Variants in MACROD2 observed in about 807,000 individuals in gnomAD.
The protein encoded by MACROD2 is ADP-ribose glycohydrolase MACROD2.
MACROD2 carries 36 observed loss-of-function variants against 70.4 expected under a neutral mutation model. That is an observed-to-expected ratio of 0.51 (90% CI 0.39 to 0.68). The LOEUF (loss-of-function observed/expected upper bound fraction) is 0.68. MACROD2 is among the 30% of genes least tolerant of loss of function. The pLI, the probability that MACROD2 is intolerant of heterozygous loss-of-function variation, is 0.00. For missense variants in MACROD2, 496 were observed against 538.4 expected (o/e 0.92, Z 0.78); for synonymous variants, 172 against 178.8 (o/e 0.96, Z 0.30).
intron 7 of MACROD2, among the ~76,000 whole-genome samples, chr20:15,480,511 C>A (rs1166146529): frequency 6.6e-6 from 1 of 152,058 alleles, no homozygotes; most frequent in African/African-American, 2.4e-5. Flanking sequence ...TAGCACAATT[C>A]CCTTGTTCAC....
chr20:15,431,281 C>T, intron 6 of MACROD2, 124 bp from the exon 7 acceptor site: 2 of 807,176 alleles, frequency 2.5e-6, no homozygotes, highest in Non-Finnish European at 4.1e-6. Flanking sequence ...CCTACTCCAA[C>T]TCATAGCTCT....
intron 8 of MACROD2, among the ~76,000 whole-genome samples, chr20:15,837,445 T>A (rs559309436): frequency 2.6e-5 from 4 of 152,162 alleles, no homozygotes; most frequent in Non-Finnish European, 5.9e-5. Flanking sequence ...ACCTCCAACA[T>A]GAGCCTCTCT....
At chr20:14,812,107 A>T (rs537724495) in intron 5 of MACROD2, among the ~76,000 whole-genome samples, 5 of 152,182 alleles carry the variant, frequency 3.3e-5, no homozygotes, top group Admixed American at 1.3e-4. Flanking sequence ...AAATCATTCT[A>T]CTATAAAGAC....
chr20:14,018,511 A>G (rs1196353404), intron 2 of MACROD2, among the ~76,000 whole-genome samples: 3 of 152,106 alleles, frequency 2.0e-5, no homozygotes, highest in Non-Finnish European at 4.4e-5. Flanking sequence ...TTTCAGGAGT[A>G]TGTTGCCTAA....
At chr20:14,026,249 A>T (rs148916519) in intron 2 of MACROD2, among the ~76,000 whole-genome samples, 2,914 of 152,236 alleles carry the variant, frequency 0.019, 37 homozygotes, top group Non-Finnish European at 0.032. Context: ...TGCATGTGAG[A>T]TGGGTCTCCT....
chr20:15,468,593 T>TA (rs1420489626), intron 7 of MACROD2, among the ~76,000 whole-genome samples: 5 of 152,230 alleles, frequency 3.3e-5, no homozygotes, highest in African/African-American at 1.2e-4. Context: ...TTAAAAGGTT[T>TA]GTCTGGACAT....
chr20:15,099,439 T>A (rs1426014964), intron 5 of MACROD2, among the ~76,000 whole-genome samples: 2 of 152,152 alleles, frequency 1.3e-5, no homozygotes, highest in African/African-American at 4.8e-5. Flanking sequence ...GAGTTCACAG[T>A]GAGAAGCTGA....
rs1425981616 is a variant in MACROD2, at chr20:15,067,471, A to G, written c.419-162469A>G. Among the ~76,000 whole-genome samples, 5 of 151,906 alleles carry G rather than the reference A, an allele frequency of 3.3e-5. No homozygotes were observed. The East Asian group carries it at 9.7e-4, about 29-fold the overall frequency. Reference sequence around the variant, plus strand: ...TTCGAGTGATTCTCCTGCCTCAGCCACCAGAGTAGCTGGGATTACAGGTGT... The same window carrying G: ...TTCGAGTGATTCTCCTGCCTCAGCCGCCAGAGTAGCTGGGATTACAGGTGT... On this transcript the variant is annotated intron_variant, in intron 5 of 17. Coordinates refer to ENST00000684519, the MANE Select transcript of MACROD2 (RefSeq NM_001351661.2).
chr20:14,219,877 C>G lies in MACROD2; in HGVS notation c.271+134149C>G, dbSNP rs188063956. 2.6e-3 allele frequency among the ~76,000 whole-genome samples: 402 copies of G among 152,286 alleles called. 1 individual carries two copies. The highest frequency in any genetic ancestry group is 9.4e-3 in the African/African-American group (392 of 41,572). On this transcript the variant is annotated intron_variant, in intron 3 of 17. Coordinates refer to ENST00000684519, the MANE Select transcript of MACROD2 (RefSeq NM_001351661.2). ...TCTGCACAGAGTCCTGTGATACCAACCATCTGTGGGTCTCTCAGCCATGGT... is the reference window on the plus strand; with the variant it reads ...TCTGCACAGAGTCCTGTGATACCAAGCATCTGTGGGTCTCTCAGCCATGGT...
chr20:15,140,546 A>C (rs2076184135), intron 5 of MACROD2, among the ~76,000 whole-genome samples: 1 of 152,124 alleles, frequency 6.6e-6, no homozygotes, highest in Non-Finnish European at 1.5e-5. Flanking sequence ...CATTGATTTT[A>C]TGAGATCATT....
intron 3 of MACROD2, among the ~76,000 whole-genome samples, chr20:14,419,717 G>T (rs2083854298): frequency 6.6e-6 from 1 of 151,976 alleles, no homozygotes; most frequent in African/African-American, 2.4e-5. Flanking sequence ...TTATAATCAG[G>T]ATCTAAAGAT....
intron 5 of MACROD2, among the ~76,000 whole-genome samples, chr20:15,163,680 CAAATT>C (rs1228681406): frequency 2.0e-5 from 3 of 151,746 alleles, no homozygotes; most frequent in South Asian, 4.2e-4. Flanking sequence ...GTATGACCCT[CAAATT>C]AAAACCTTTT....
intron 5 of MACROD2, among the ~76,000 whole-genome samples, chr20:14,727,729 A>G (rs1407291440): frequency 6.6e-6 from 1 of 152,196 alleles, no homozygotes; most frequent in African/African-American, 2.4e-5. Flanking sequence ...GATGCCAGGT[A>G]GATCTGCAAG....
At chr20:14,035,828 C>T (rs2148635685) in intron 2 of MACROD2, among the ~76,000 whole-genome samples, 1 of 152,264 alleles carries the variant, frequency 6.6e-6, no homozygotes, top group South Asian at 2.1e-4. Context: ...CATCACCAGC[C>T]CATGTTTGAA....
intron 8 of MACROD2, among the ~76,000 whole-genome samples, chr20:15,630,164 T>G (rs1299138964): frequency 6.6e-6 from 1 of 152,180 alleles, no homozygotes; most frequent in Admixed American, 6.5e-5. Flanking sequence ...ACTGAGTTAG[T>G]GTATATGAAG....
chr20:14,851,482 G>A (rs2073198917), intron 5 of MACROD2, among the ~76,000 whole-genome samples: 2 of 152,148 alleles, frequency 1.3e-5, no homozygotes, highest in African/African-American at 4.8e-5. Context: ...CTGGTAGATG[G>A]TTTCCATGGA....
chr20:15,460,022 A>G (rs1054170399), intron 7 of MACROD2, among the ~76,000 whole-genome samples: 3 of 152,142 alleles, frequency 2.0e-5, no homozygotes, highest in African/African-American at 7.2e-5. Context: ...TTCTAGCTAC[A>G]GAGATTGTTT....
At chr20:14,725,549 G>A (rs1373998801) in intron 5 of MACROD2, among the ~76,000 whole-genome samples, 2 of 152,106 alleles carry the variant, frequency 1.3e-5, no homozygotes, top group South Asian at 2.1e-4. Context: ...GATATATTAT[G>A]TGTGTTTCCC....
intron 10 of MACROD2, among the ~76,000 whole-genome samples, chr20:15,895,796 A>C (rs1184240476): frequency 1.3e-5 from 2 of 152,212 alleles, no homozygotes; most frequent in Non-Finnish European, 2.9e-5. Context: ...ATAAGGAATC[A>C]ATCTCCGGGT....
Sources: gnomAD v4.1 joint callset for allele counts (sites outside exome capture counted in the v4.1 genomes callset) on GRCh38, gnomAD v4.1.1 for gene constraint, MANE v1.5 for transcripts, NCBI Gene and HGNC (gene_info 2026-07-23, HGNC 2026-07-21) for gene names.